Variants in ANKRD49 observed in about 807,000 individuals in gnomAD.
ANKRD49 encodes ankyrin repeat domain-containing protein 49.
A neutral mutation model predicts 19.6 loss-of-function variants in ANKRD49; 18 were observed. The observed-to-expected ratio is 0.92, with a 90% CI of 0.63 to 1.36. The LOEUF is 1.36. Among genes scored for constraint, ANKRD49 ranks in the 40% most tolerant of loss-of-function variants. ANKRD49 has a pLI of 0.00. For synonymous variants in ANKRD49, 88 were observed against 101.8 expected (o/e 0.86, Z 0.82); for missense variants, 218 against 281.6 (o/e 0.77, Z 1.62).
intron 1 of ANKRD49, among the ~76,000 whole-genome samples, chr11:94,494,858 T>G (rs1026228890): frequency 6.6e-6 from 1 of 152,162 alleles, no homozygotes; most frequent in Non-Finnish European, 1.5e-5. Context: ...CAAGTGAACT[T>G]TTATTTATTA....
At position 94,496,901 on chromosome 11, in the gene ANKRD49, A is replaced by T; in HGVS notation, c.208A>T (p.Met70Leu). 2 of 1,613,876 alleles carry T rather than the reference A, an allele frequency of 1.2e-6. No individual in the cohort carries two copies. The highest frequency in any genetic ancestry group is 2.2e-5 in the East Asian group (1 of 44,858). Residue 70 changes from methionine (M) to leucine (L), a missense_variant, in exon 2 of 3, where the codon ATG (methionine) becomes TTG (leucine). Physicochemically the swap from Met to Leu is conservative, Grantham distance 15. Coordinates refer to ENST00000544612, the MANE Select transcript of ANKRD49 (RefSeq NM_017704.3). ...GTGGTATCGATTGCAAGAAAAAAAA[A>T]TGGAAAAAGACCCAAGCAGATTGCT... The part of the protein sequence containing the change: ...EEWYRLQEKK[M>L]EKDPSRLLLW...
chr11:94,498,524 C>G lies in ANKRD49; in HGVS notation c.712C>G (p.Gln238Glu). The change falls in exon 3 of 3, where the codon CAG becomes GAG. Residue 238 changes from glutamine (Q) to glutamate (E), a missense_variant. By Grantham distance (29) the Gln-to-Glu change is conservative (BLOSUM62 2). Transcript: ENST00000544612. ...GGAAGGCTGTACAAATTCTTCACCT[C>G]AGTCTTAACAATTCTAGTAATTTTC... ...IVEGCTNSSPQS is the reference protein window; with the variant it reads ...IVEGCTNSSPES 1 of 1,608,166 alleles carries G rather than the reference C, an allele frequency of 6.2e-7. No homozygotes were observed. The highest frequency in any genetic ancestry group is 1.7e-5 in the Admixed American group (1 of 59,158).
Position 94,498,743 on chromosome 11 carries a change from ATTTT to A in ANKRD49, c.*215_*218del. 1.8e-6 allele frequency: 1 copy of A among 568,156 alleles called. No individual in the cohort carries two copies. Among genetic ancestry groups the A allele is most frequent in the East Asian group, 3.0e-5 (1 of 33,092 alleles). 35.2% of individuals were successfully genotyped at this position (568,156 alleles called of 1,614,324 possible). The stretch of plus-strand genomic sequence containing the variant: ...TTTAATTATTTCTGTGGAGTTTGTG[ATTTT>A]TTTATCAGAAATAATTTTAATGTGT... On this transcript the variant is annotated 3_prime_UTR_variant, in exon 3 of 3. Coordinates refer to ENST00000544612, the MANE Select transcript of ANKRD49 (RefSeq NM_017704.3).
intron 1 of ANKRD49, 143 bp downstream of exon 1, chr11:94,494,178 C>T (rs1404683765): frequency 6.6e-6 from 1 of 152,158 alleles, no homozygotes; most frequent in Non-Finnish European, 1.5e-5. Flanking sequence ...CAGGTAGGAC[C>T]GAAGCCGCTT....
chr11:94,494,675 C>T (rs1488754410), intron 1 of ANKRD49, among the ~76,000 whole-genome samples: 2 of 152,082 alleles, frequency 1.3e-5, no homozygotes, highest in South Asian at 2.1e-4. Context: ...CGGGTAGATG[C>T]GCCTAGGCTT....
At chr11:94,497,516 C>T (rs963324501) in intron 2 of ANKRD49, 3 of 157,146 alleles carry the variant, frequency 1.9e-5, no homozygotes, top group Admixed American at 6.4e-5. Context: ...AAGAGCATGC[C>T]ACATTTAACC....
At chr11:94,495,057 A>T (rs949518834) in intron 1 of ANKRD49, among the ~76,000 whole-genome samples, 1 of 152,228 alleles carries the variant, frequency 6.6e-6, no homozygotes, top group Non-Finnish European at 1.5e-5. Context: ...GATTGGCCTT[A>T]GGAATACTTT....
At position 94,498,314 on chromosome 11, in the gene ANKRD49, A is replaced by C; in HGVS notation, c.502A>C (p.Asn168His). ...SFLLQHDADI[N>H]AQTKGLLTPL... ...CTTACTGCAGCATGATGCAGATATCAATGCCCAAACAAAAGGCCTCTTGAC... is the reference window on the plus strand; with the variant it reads ...CTTACTGCAGCATGATGCAGATATCCATGCCCAAACAAAAGGCCTCTTGAC... The change falls in exon 3 of 3, where the codon AAT (asparagine) becomes CAT (histidine). Residue 168 changes from asparagine to histidine, a missense_variant. By Grantham distance (68) the Asn-to-His change is moderately conservative. Transcript: ENST00000544612. 6.2e-7 allele frequency: 1 copy of C among 1,614,066 alleles called. No individual in the cohort carries two copies. Among genetic ancestry groups the C allele is most frequent in the Non-Finnish European group, 8.5e-7 (1 of 1,180,034 alleles).
At position 94,496,884 on chromosome 11, in the gene ANKRD49, G is replaced by T; in HGVS notation, c.191G>T (p.Arg64Leu). 2.5e-6 allele frequency: 4 copies of T among 1,613,286 alleles called. No homozygotes were observed. Among genetic ancestry groups the T allele is most frequent in the South Asian group, 1.1e-5 (1 of 91,038 alleles). The change falls in exon 2 of 3, where the codon CGA becomes CTA. Residue 64 changes from arginine (R) to leucine (L), a missense_variant. Arg to Leu is a moderately radical substitution (Grantham distance 102, BLOSUM62 -2). Transcript: ENST00000544612. ...GATGACAAAAATGAAGAGTGGTATC[G>T]ATTGCAAGAAAAAAAAATGGAAAAA... ...EQDDKNEEWY[R>L]LQEKKMEKDP...
rs1409970479 is a variant in ANKRD49, at chr11:94,497,007, G to T, written c.258+56G>T. 4.4e-6 allele frequency: 7 copies of T among 1,604,954 alleles called. 1 individual carries two copies. The Middle Eastern group carries it at 9.9e-4, about 227-fold the overall frequency. On this transcript the variant is annotated intron_variant, in intron 2 of 2. Coordinates refer to ENST00000544612, the MANE Select transcript of ANKRD49 (RefSeq NM_017704.3). The stretch of plus-strand genomic sequence containing the variant: ...ACAGTAGGAAAAGCACTGGGTTCAA[G>T]CCAGAAGACCTGCCTTTACTGTTAT...
At chr11:94,496,974 G>A (rs1195342126) in intron 2 of ANKRD49, 23 bp downstream of exon 2, 1 of 1,611,434 alleles carries the variant, frequency 6.2e-7, no homozygotes, top group Non-Finnish European at 8.5e-7. Flanking sequence ...ATTACAGAGG[G>A]AAGTGTGACA....
intron 1 of ANKRD49, 128 bp from the exon 2 acceptor site, chr11:94,496,476 T>C (rs1947419909): frequency 2.1e-6 from 1 of 465,648 alleles, no homozygotes; most frequent in Admixed American, 3.8e-5. Flanking sequence ...TTAGTGTATG[T>C]AAGGGATATC....
At chr11:94,494,960 C>G (rs1290634823) in intron 1 of ANKRD49, among the ~76,000 whole-genome samples, 5 of 152,152 alleles carry the variant, frequency 3.3e-5, no homozygotes, top group Non-Finnish European at 7.4e-5. Context: ...AAAGTGGAAG[C>G]TCCAGGAGAA....
At chr11:94,496,316 A>G (rs1426338322) in intron 1 of ANKRD49, among the ~76,000 whole-genome samples, 1 of 152,216 alleles carries the variant, frequency 6.6e-6, no homozygotes, top group East Asian at 1.9e-4. Context: ...TTAAGCATTC[A>G]TCACTGTTAG....
At chr11:94,496,092 T>A (rs957449093) in intron 1 of ANKRD49, among the ~76,000 whole-genome samples, 2 of 152,210 alleles carry the variant, frequency 1.3e-5, no homozygotes, top group African/African-American at 4.8e-5. Context: ...ATAGGATAAT[T>A]AGTGTAGATG....
chr11:94,494,845 T>TAAA (rs1215687340), intron 1 of ANKRD49, among the ~76,000 whole-genome samples: 1 of 152,242 alleles, frequency 6.6e-6, no homozygotes, highest in Non-Finnish European at 1.5e-5. Context: ...TTTGATATAA[T>TAAA]TACAAGTGAA....
chr11:94,498,450 T>G lies in ANKRD49; in HGVS notation c.638T>G (p.Phe213Cys), dbSNP rs1322710912. Reference protein sequence around the residue: ...GLKNNLEETAFDIARRTSIYH... With the variant: ...GLKNNLEETACDIARRTSIYH... ...AAAAACAACTTGGAAGAAACTGCAT[T>G]TGATATTGCCAGGAGGACAAGTATC... is the stretch of plus-strand genomic sequence containing the variant. The change falls in exon 3 of 3, where the codon TTT becomes TGT. Residue 213 changes from phenylalanine (F) to cysteine (C), a missense_variant. By Grantham distance (205) the Phe-to-Cys change is radical. Transcript: ENST00000544612. 6.2e-7 allele frequency: 1 copy of G among 1,613,922 alleles called. No individual in the cohort carries two copies. The highest frequency in any genetic ancestry group is 1.1e-5 in the South Asian group (1 of 91,072).
intron 2 of ANKRD49, 134 bp downstream of exon 2, chr11:94,497,085 A>G (rs775962664): frequency 2.5e-6 from 3 of 1,209,178 alleles, no homozygotes; most frequent in Admixed American, 3.7e-5. Flanking sequence ...AATGTACATG[A>G]AAGCACATAT....
chr11:94,497,990 AT>A (rs1947440663), intron 2 of ANKRD49, 80 bp from the exon 3 acceptor site: 1 of 1,092,506 alleles, frequency 9.2e-7, no homozygotes, highest in Admixed American at 2.8e-5. Context: ...ACTTAATTAA[AT>A]CTAACACCAC....
Sources: allele counts gnomAD v4.1 joint callset (sites outside exome capture counted in the v4.1 genomes callset), GRCh38; gene constraint gnomAD v4.1.1; transcripts MANE v1.5; gene names NCBI Gene and HGNC (gene_info 2026-07-23, HGNC 2026-07-21).